Variants in C6orf58 observed in about 807,000 individuals in gnomAD.
The protein encoded by C6orf58 is protein LEG1 homolog.
A neutral mutation model predicts 37.0 loss-of-function variants in C6orf58; 30 were observed. That is an observed-to-expected ratio of 0.81 (90% confidence interval 0.61 to 1.10). The LOEUF is 1.10. C6orf58 is among the 50% of genes least tolerant of loss of function. The probability of loss-of-function intolerance (pLI) is 0.00; values close to 1 mark genes in which losing one functional copy is unlikely to be tolerated. For missense variants in C6orf58, 368 were observed against 387.5 expected (o/e 0.95, Z 0.42); for synonymous variants, 143 against 134.1 (o/e 1.07, Z -0.46).
At chr6:127,583,554 T>C (rs1489556975) in intron 4 of C6orf58, among the ~76,000 whole-genome samples, 1 of 152,098 alleles carries the variant, frequency 6.6e-6, no homozygotes, top group Non-Finnish European at 1.5e-5. Flanking sequence ...AGATCTCCGA[T>C]GGGTGTACAG....
chr6:127,590,286 G>A lies in C6orf58; in HGVS notation c.874G>A (p.Val292Ile). The change falls in exon 5 of 6, where the codon GTT (valine) becomes ATT (isoleucine). Residue 292 changes from valine (V) to isoleucine (I), a missense_variant. Transcript: ENST00000329722. ...TACTGCTTTTCAGAATGTAGTCCTG[G>A]TTCTTCTAAATATGCTTGACAATGT... ...DFTAFQNVVL[V>I]LLNMLDNVDK... The A allele has an allele frequency of 6.2e-7, 1 of 1,612,230 alleles. No homozygotes were observed.
At chr6:127,580,483 G>T in intron 3 of C6orf58, 34 bp downstream of exon 3, 1 of 1,517,254 alleles carries the variant, frequency 6.6e-7, no homozygotes, top group Non-Finnish European at 9.0e-7. Context: ...GATAGGAAGA[G>T]AGTTTATTTT....
chr6:127,580,225 G>T, intron 2 of C6orf58, 40 bp from the exon 3 acceptor site: 1 of 1,444,180 alleles, frequency 6.9e-7, no homozygotes, highest in Non-Finnish European at 9.6e-7. Flanking sequence ...TTTGAAATTT[G>T]TTAGTGCTTG....
chr6:127,591,744 T>G lies in C6orf58; in HGVS notation c.*122T>G, dbSNP rs1415074688. On this transcript the variant is annotated 3_prime_UTR_variant, in exon 6 of 6. Transcript: ENST00000329722. ...ACCATGTAGTTTATTCTTTCTGATATTTTTGATTTATGCTTATTTGTTAAG... is the reference window on the plus strand; with the variant it reads ...ACCATGTAGTTTATTCTTTCTGATAGTTTTGATTTATGCTTATTTGTTAAG... 3.3e-6 allele frequency: 3 copies of G among 905,016 alleles called. No individual in the cohort carries two copies. The highest frequency in any genetic ancestry group is 4.4e-6 in the Non-Finnish European group (3 of 676,744). The allele number at this position is 905,016 out of a possible 1,614,324, so 56.1% of individuals were successfully genotyped here.
rs370761806 is a variant in C6orf58 at position 127,577,376 on chromosome 6, A to G, written c.191A>G (p.Tyr64Cys). The change falls in exon 1 of 6, where the codon TAT becomes TGT. Residue 64 changes from tyrosine to cysteine, a missense_variant. Tyr to Cys is a radical substitution (Grantham distance 194, BLOSUM62 -2). Coordinates refer to ENST00000329722, the MANE Select transcript of C6orf58 (RefSeq NM_001010905.3). ...PWVYLERMGMYKIILNQTARY... is the reference protein window; with the variant it reads ...PWVYLERMGMCKIILNQTARY... ...GTATACCTTGAGAGAATGGGGATGT[A>G]TAAAATCATATTGAATCAGACAGCC... The G allele has an allele frequency of 8.1e-6, 13 of 1,613,660 alleles. No individual in the cohort carries two copies. Among genetic ancestry groups the G allele is most frequent in the Non-Finnish European group, 1.0e-5 (12 of 1,179,642 alleles).
intron 2 of C6orf58, among the ~76,000 whole-genome samples, chr6:127,579,969 G>A (rs1183010203): frequency 2.0e-5 from 3 of 151,780 alleles, no homozygotes; most frequent in Non-Finnish European, 4.4e-5. Flanking sequence ...CTTACTTAAT[G>A]CTTTGAAAAA....
chr6:127,577,378 A>T lies in C6orf58; in HGVS notation c.193A>T (p.Lys65Ter), dbSNP rs143079845. The T allele has an allele frequency of 4.3e-6, 7 of 1,613,614 alleles. No individual in the cohort carries two copies. The highest frequency in any genetic ancestry group is 5.9e-6 in the Non-Finnish European group (7 of 1,179,608). ...ATACCTTGAGAGAATGGGGATGTAT[A>T]AAATCATATTGAATCAGACAGCCAG... ...WVYLERMGMYKIILNQTARYF... is the reference protein window; with the variant it reads ...WVYLERMGMY The change falls in exon 1 of 6, where the codon AAA (lysine) becomes TAA (stop). Residue 65 changes from lysine (K) to a stop codon, truncating the protein, a stop_gained. Coordinates refer to ENST00000329722, the MANE Select transcript of C6orf58 (RefSeq NM_001010905.3). LOFTEE classifies it high-confidence loss of function.
intron 5 of C6orf58, among the ~76,000 whole-genome samples, 197 bp from the exon 6 acceptor site, chr6:127,591,346 T>C: frequency 6.6e-6 from 1 of 152,178 alleles, no homozygotes; most frequent in East Asian, 1.9e-4. Context: ...GTAAAGTTGG[T>C]AAGTCAGGTA....
intron 4 of C6orf58, among the ~76,000 whole-genome samples, chr6:127,585,396 A>C (rs527621824): frequency 6.6e-6 from 1 of 152,360 alleles, no homozygotes; most frequent in Non-Finnish European, 1.5e-5. Context: ...CTTGGAAATA[A>C]TAGTCATCCA....
chr6:127,589,293 C>G (rs1412327214), intron 4 of C6orf58, among the ~76,000 whole-genome samples: 1 of 152,166 alleles, frequency 6.6e-6, no homozygotes, highest in African/African-American at 2.4e-5. Flanking sequence ...TATGATGAGA[C>G]TTGAAACAGA....
At chr6:127,590,820 C>T (rs966651012) in intron 5 of C6orf58, among the ~76,000 whole-genome samples, 1 of 151,996 alleles carries the variant, frequency 6.6e-6, no homozygotes, top group Non-Finnish European at 1.5e-5. Flanking sequence ...AATGCTGGAT[C>T]TTCTAGTGAG....
intron 3 of C6orf58, 120 bp from the exon 4 acceptor site, chr6:127,581,062 A>G (rs1775044865): frequency 7.2e-6 from 3 of 417,678 alleles, no homozygotes; most frequent in African/African-American, 2.1e-5. Flanking sequence ...ACTTTTTCTT[A>G]GAAATAAAAT....
Position 127,589,948 on chromosome 6 carries a change from T to C in C6orf58, c.675-139T>C. 10 of 635,342 alleles carry C rather than the reference T, an allele frequency of 1.6e-5. No individual in the cohort carries two copies. In the South Asian group the frequency reaches 2.0e-4, roughly 13 times the overall value. 39.4% of individuals were successfully genotyped at this position (635,342 alleles called of 1,614,324 possible). On this transcript the variant is annotated intron_variant, in intron 4 of 5. Transcript: ENST00000329722. ...CCTCCTGAGGGATGGAATAAAGTCA[T>C]CACAATATCAAGCCTATTTTCTAAA...
chr6:127,580,294 T>C lies in C6orf58; in HGVS notation c.418T>C (p.Phe140Leu), dbSNP rs745362236. 13 of 1,612,618 alleles carry C rather than the reference T, an allele frequency of 8.1e-6. No individual in the cohort carries two copies. The highest frequency in any genetic ancestry group is 1.0e-5 in the Non-Finnish European group (12 of 1,178,990). Reference protein sequence around the residue: ...DLNYFLSSLPFLAAVDSGVMG... With the variant: ...DLNYFLSSLPLLAAVDSGVMG... The stretch of plus-strand genomic sequence containing the variant: ...GAATTATTTTCTGTCTTCATTACCC[T>C]TTCTTGCTGCGGTTGATTCTGGTGT... The change falls in exon 3 of 6, where the codon TTT becomes CTT. Residue 140 changes from phenylalanine (F) to leucine (L), a missense_variant. Physicochemically the swap from Phe to Leu is conservative, Grantham distance 22. Coordinates refer to ENST00000329722, the MANE Select transcript of C6orf58 (RefSeq NM_001010905.3).
chr6:127,590,350 T>A, intron 5 of C6orf58, 25 bp downstream of exon 5: 1 of 1,367,318 alleles, frequency 7.3e-7, no homozygotes, highest in Non-Finnish European at 1.0e-6. Context: ...AGGATACTTT[T>A]AAAAATCAGT....
At position 127,577,254 on chromosome 6, in the gene C6orf58, C is replaced by T. The variant is rs1774998335; in HGVS notation, c.69C>T (p.Ser23=). 6.2e-7 allele frequency: 1 copy of T among 1,613,472 alleles called. No individual in the cohort carries two copies. The highest frequency in any genetic ancestry group is 8.5e-7 in the Non-Finnish European group (1 of 1,179,532). The change falls in exon 1 of 6, where the codon TCC becomes TCT. Residue 23 remains serine (S), a synonymous_variant. Coordinates refer to ENST00000329722, the MANE Select transcript of C6orf58 (RefSeq NM_001010905.3). ...GSFSASLAGT[S]NLSETEPPLW... ...TTTCTGCTTCCTTAGCAGGGACTTC[C>T]AATCTCTCAGAGACAGAGCCCCCTC...
intron 1 of C6orf58, 150 bp downstream of exon 1, chr6:127,577,636 T>G: frequency 1.4e-6 from 1 of 702,896 alleles, no homozygotes; most frequent in Non-Finnish European, 2.3e-6. Flanking sequence ...TTTTTCTACC[T>G]ATCCTTCTCC....
chr6:127,591,626 A>G lies in C6orf58; in HGVS notation c.*4A>G. On this transcript the variant is annotated 3_prime_UTR_variant, in exon 6 of 6. Transcript: ENST00000329722. ...AAGTTATGGAAATAACTCCTGAAAC[A>G]TTTAACTTCAAACTTCAGGAAATGA... The G allele has an allele frequency of 6.7e-6, 10 of 1,491,416 alleles. No homozygotes were observed. Among genetic ancestry groups the G allele is most frequent in the Non-Finnish European group, 8.9e-6 (10 of 1,124,852 alleles). 92.4% of individuals were successfully genotyped at this position (1,491,416 alleles called of 1,614,324 possible).
chr6:127,578,125 G>T (rs1272052825), intron 1 of C6orf58, among the ~76,000 whole-genome samples: 1 of 152,088 alleles, frequency 6.6e-6, no homozygotes, highest in Non-Finnish European at 1.5e-5. Flanking sequence ...GTGTGTGAGA[G>T]AGAGGTTAAG....
Sources: allele counts gnomAD v4.1 joint callset (sites outside exome capture counted in the v4.1 genomes callset), GRCh38; gene constraint gnomAD v4.1.1; transcripts MANE v1.5; gene names NCBI Gene and HGNC (gene_info 2026-07-23, HGNC 2026-07-21).